The following ARID1B variants were observed in gnomAD, a reference collection of about 807,000 sequenced individuals.
ARID1B encodes the protein AT-rich interaction domain 1B.
Under a neutral mutation model 212.3 loss-of-function variants are expected in ARID1B, and 30 were observed. The observed-to-expected ratio is 0.14, with a 90% CI of 0.11 to 0.19. The LOEUF is 0.19. ARID1B is among the 10% of genes least tolerant of loss of function. The pLI is 1.00. For missense variants in ARID1B, 2,891 were observed against 3,204.0 expected (o/e 0.90, Z 2.36); for synonymous variants, 1,402 against 1,301.7 (o/e 1.08, Z -1.66).
rs141459806 is a variant in ARID1B at position 156,946,381 on chromosome 6, A to T, written c.2247+10805A>T. On this transcript the variant is annotated intron_variant, in intron 4 of 19. Coordinates refer to ENST00000636930, the MANE Select transcript of ARID1B (RefSeq NM_001374828.1). ...AGTGAGACTCCATCTCAAAAAATAA[A>T]AAATAAATAATAAATAAATAAATAA... Among the ~76,000 whole-genome samples, 206 of 151,968 alleles carry T rather than the reference A, an allele frequency of 1.4e-3. 1 individual carries two copies. Among genetic ancestry groups the T allele is most frequent in the African/African-American group, 4.8e-3 (198 of 41,484 alleles).
chr6:157,023,709 A>C (rs960446937), intron 4 of ARID1B: 1 of 152,204 alleles, frequency 6.6e-6, no homozygotes, highest in Non-Finnish European at 1.5e-5. Flanking sequence ...TCTATTTGGG[A>C]GTCACTTATG....
At chr6:156,945,210 C>G (rs1448105656) in intron 4 of ARID1B, among the ~76,000 whole-genome samples, 1 of 131,482 alleles carries the variant, frequency 7.6e-6, no homozygotes, top group Non-Finnish European at 1.6e-5. Flanking sequence ...ACTGGGATGA[C>G]CGGTGTGAGC....
intron 3 of ARID1B, among the ~76,000 whole-genome samples, chr6:156,920,594 A>G (rs1403536315): frequency 6.6e-6 from 1 of 152,196 alleles, no homozygotes; most frequent in Non-Finnish European, 1.5e-5. Context: ...AGATGTTTGA[A>G]ATGTAGCATT....
chr6:156,970,509 A>G (rs1036557119), intron 4 of ARID1B, among the ~76,000 whole-genome samples: 2 of 152,372 alleles, frequency 1.3e-5, no homozygotes, highest in South Asian at 4.1e-4. Flanking sequence ...TTTAACCAAG[A>G]TTACTGAGTC....
At chr6:157,150,575 C>G (rs1790120960) in intron 8 of ARID1B, 1 of 166,794 alleles carries the variant, frequency 6.0e-6, no homozygotes, top group Non-Finnish European at 1.3e-5. Flanking sequence ...CTGTACCCCC[C>G]ACCCCTCAGG....
chr6:156,849,012 A>T (rs1784410519), intron 2 of ARID1B, among the ~76,000 whole-genome samples: 1 of 152,220 alleles, frequency 6.6e-6, no homozygotes, highest in Admixed American at 6.5e-5. Context: ...GCCTGGGTCC[A>T]TATACTTTCA....
intron 4 of ARID1B, among the ~76,000 whole-genome samples, chr6:157,025,337 C>T (rs543481347): frequency 6.6e-6 from 1 of 152,320 alleles, no homozygotes; most frequent in South Asian, 2.1e-4. Flanking sequence ...TGAAAGTTTT[C>T]TGAGCATTGT....
intron 4 of ARID1B, among the ~76,000 whole-genome samples, chr6:157,017,853 T>C (rs968411163): frequency 2.7e-4 from 41 of 151,230 alleles, no homozygotes; most frequent in African/African-American, 1.0e-3. Context: ...GGGCTGGGTG[T>C]GGTGGCTCAT....
intron 4 of ARID1B, among the ~76,000 whole-genome samples, chr6:156,973,622 A>C (rs1028881301): frequency 6.6e-6 from 1 of 152,234 alleles, no homozygotes; most frequent in Non-Finnish European, 1.5e-5. Context: ...AATGAAATAA[A>C]TAAAAGAAAA....
rs1300484568 is a variant in ARID1B, at chr6:156,777,925, T to G, written c.245T>G (p.Leu82Arg). ...CACCCCCTGCTCCCCCGTCACGAAC[T>G]CAACATGGCCCATAACGCGGGCGCC... is the stretch of plus-strand genomic sequence containing the variant. ...HHHPLLPRHELNMAHNAGAAA... is the reference protein window; with the variant it reads ...HHHPLLPRHERNMAHNAGAAA... The change falls in exon 1 of 20, where the codon CTC becomes CGC. Residue 82 changes from leucine (L) to arginine (R), a missense_variant. By Grantham distance (102) the Leu-to-Arg change is moderately radical (BLOSUM62 -2). This residue lies in a region of ARID1B where 1,643 missense variants were observed against 1,544.0 expected (regional missense o/e 1.06). Transcript: ENST00000636930. The G allele has an allele frequency of 1.3e-6, 2 of 1,518,678 alleles. No individual in the cohort carries two copies. The highest frequency in any genetic ancestry group is 2.8e-5 in the African/African-American group (2 of 70,332). The allele number at this position is 1,518,678 out of a possible 1,614,324, so 94.1% of individuals were successfully genotyped here. A position where few individuals can be genotyped will look rare whatever the true frequency, so the allele number is the denominator to read the frequency against.
intron 2 of ARID1B, among the ~76,000 whole-genome samples, chr6:156,833,625 A>G (rs139390858): frequency 1.3e-4 from 20 of 152,316 alleles, no homozygotes; most frequent in South Asian, 2.1e-4. Flanking sequence ...AAAGGCATAC[A>G]TGTATTGCGA....
intron 15 of ARID1B, chr6:157,193,969 G>A (rs768873028): frequency 1.1e-4 from 17 of 152,098 alleles, no homozygotes; most frequent in Non-Finnish European, 1.6e-4. Context: ...GAGAGTGTGC[G>A]GGTTCTCACC....
chr6:157,116,522 A>T (rs1016265846), intron 6 of ARID1B, among the ~76,000 whole-genome samples: 1 of 149,110 alleles, frequency 6.7e-6, no homozygotes, highest in Non-Finnish European at 1.5e-5. Context: ...ATCCCATAGT[A>T]TTTGAATAAT....
intron 4 of ARID1B, among the ~76,000 whole-genome samples, chr6:157,038,603 A>T (rs569860240): frequency 6.6e-6 from 1 of 152,240 alleles, no homozygotes; most frequent in Non-Finnish European, 1.5e-5. Context: ...GCCAAAAATT[A>T]CTAAAAGAAA....
At chr6:156,789,199 GT>G (rs1779854356) in intron 1 of ARID1B, among the ~76,000 whole-genome samples, 1 of 152,168 alleles carries the variant, frequency 6.6e-6, no homozygotes, top group African/African-American at 2.4e-5. Flanking sequence ...TTGTTCTTTG[GT>G]GCTGTGACGT....
intron 4 of ARID1B, among the ~76,000 whole-genome samples, chr6:156,966,386 C>CTTTTTTTTTTTT (rs1214987532): frequency 4.6e-4 from 18 of 38,910 alleles, no homozygotes; most frequent in East Asian, 1.2e-3. Flanking sequence ...CTTTTCTTTT[C>CTTTTTTTTTTTT]TTTTTTTTTT....
intron 6 of ARID1B, among the ~76,000 whole-genome samples, chr6:157,129,055 T>C (rs1012653506): frequency 5.9e-5 from 9 of 152,258 alleles, no homozygotes; most frequent in African/African-American, 1.2e-4. Flanking sequence ...GCTGGAAGCT[T>C]CATCTGAATT....
intron 4 of ARID1B, among the ~76,000 whole-genome samples, chr6:157,038,028 T>G (rs1371343472): frequency 6.6e-6 from 1 of 152,266 alleles, no homozygotes; most frequent in East Asian, 1.9e-4. Context: ...CTTTTGTACA[T>G]ATTTCCTGAT....
intron 4 of ARID1B, among the ~76,000 whole-genome samples, chr6:156,977,465 T>G (rs1351133771): frequency 6.6e-6 from 1 of 152,208 alleles, no homozygotes; most frequent in Non-Finnish European, 1.5e-5. Context: ...ATGTATTTTT[T>G]ACATGCATCA....
Sources: gnomAD v4.1 joint callset for allele counts (sites outside exome capture counted in the v4.1 genomes callset) on GRCh38, gnomAD v4.1.1 for gene constraint, gnomAD v4.1.1 regional missense constraint, MANE v1.5 for transcripts, NCBI Gene and HGNC (gene_info 2026-07-23, HGNC 2026-07-21) for gene names.